The following LRBA variants were observed in gnomAD, a reference collection of about 807,000 sequenced individuals.
The protein encoded by LRBA is LPS responsive beige-like anchor protein.
A neutral mutation model predicts 330.0 loss-of-function variants in LRBA; 176 were observed. The ratio of observed to expected loss-of-function variants is 0.53; its 90% CI spans 0.47 to 0.60. The LOEUF (loss-of-function observed/expected upper bound fraction) is 0.60. LRBA is among the 20% of genes least tolerant of loss of function. The pLI is 0.00. For missense variants in LRBA, 3,259 were observed against 3,444.8 expected (o/e 0.95, Z 1.35); for synonymous variants, 1,230 against 1,193.0 (o/e 1.03, Z -0.64).
intron 40 of LRBA, among the ~76,000 whole-genome samples, chr4:150,506,163 T>C (rs1273789541): frequency 6.6e-6 from 1 of 152,210 alleles, no homozygotes; most frequent in Non-Finnish European, 1.5e-5. Flanking sequence ...GAGGAGCTGG[T>C]ATCATTCCTT....
intron 2 of LRBA, among the ~76,000 whole-genome samples, chr4:150,968,551 G>C (rs1418315371): frequency 2.6e-5 from 4 of 152,190 alleles, no homozygotes; most frequent in African/African-American, 9.7e-5. Flanking sequence ...TCCAGTGCAA[G>C]GCCCTAACTC....
chr4:150,856,115 A>G (rs1292006799), intron 22 of LRBA, among the ~76,000 whole-genome samples: 1 of 152,190 alleles, frequency 6.6e-6, no homozygotes, highest in Admixed American at 6.5e-5. Flanking sequence ...CCTCTACCCT[A>G]AGAAGTAGGT....
chr4:150,657,186 G>A (rs947851570), intron 37 of LRBA, among the ~76,000 whole-genome samples: 5 of 152,150 alleles, frequency 3.3e-5, no homozygotes, highest in Admixed American at 2.0e-4. Context: ...CTTCCCTTAC[G>A]AAGGAGACAT....
At chr4:150,485,574 T>C (rs1331115250) in intron 42 of LRBA, among the ~76,000 whole-genome samples, 1 of 151,730 alleles carries the variant, frequency 6.6e-6, no homozygotes, top group Non-Finnish European at 1.5e-5. Context: ...CACAGAGACA[T>C]ACACAGGGGG....
intron 49 of LRBA, among the ~76,000 whole-genome samples, chr4:150,323,548 C>T (rs942597741): frequency 4.6e-5 from 7 of 152,198 alleles, no homozygotes; most frequent in Non-Finnish European, 8.8e-5. Context: ...CTAAGCCACA[C>T]GGCAAGGACC....
chr4:150,475,731 TAAA>T (rs368974634), intron 42 of LRBA, among the ~76,000 whole-genome samples: 1 of 133,180 alleles, frequency 7.5e-6, no homozygotes, highest in Non-Finnish European at 1.6e-5. Flanking sequence ...CCTATCTCTA[TAAA>T]AAAAAAAAAA....
chr4:150,606,890 T>G (rs1366176372), intron 37 of LRBA, among the ~76,000 whole-genome samples: 2 of 152,230 alleles, frequency 1.3e-5, no homozygotes, highest in Non-Finnish European at 2.9e-5. Flanking sequence ...CGTAATTCAC[T>G]GACCAAGCAC....
Position 150,277,860 on chromosome 4 carries a change from C to A in LRBA, c.8461G>T (p.Asp2821Tyr). 1 of 1,613,944 alleles carries A rather than the reference C, an allele frequency of 6.2e-7. No homozygotes were observed. Among genetic ancestry groups the A allele is most frequent in the South Asian group, 1.1e-5 (1 of 91,036 alleles). ...AGIRAMALSY[D>Y]QRCIISGMAS... ...CCATGATTCCAGTGTTACCTCTGGT[C>A]GTAAGACAGCGCCATGGCCCGGATT... Residue 2821 changes from aspartate (D) to tyrosine (Y), a missense_variant, in exon 56 of 57, where the codon GAC becomes TAC. Transcript: ENST00000651943.
At chr4:150,798,416 C>T (rs1396222613) in intron 33 of LRBA, among the ~76,000 whole-genome samples, 3 of 152,110 alleles carry the variant, frequency 2.0e-5, no homozygotes, top group Non-Finnish European at 4.4e-5. Flanking sequence ...TAGAAATGTG[C>T]ACAACATATG....
At chr4:150,622,783 C>T (rs1426239402) in intron 37 of LRBA, among the ~76,000 whole-genome samples, 2 of 148,940 alleles carry the variant, frequency 1.3e-5, no homozygotes, top group Non-Finnish European at 3.0e-5. Flanking sequence ...CTGCAAGCTC[C>T]GCCTCCTGGG....
chr4:150,599,002 C>A lies in LRBA; in HGVS notation c.6046+5G>T. ...CTATTGGCAAGGAATGGTTTATACA[C>A]TGACCATGTTCCACGGCTGTTTTTA... On this transcript the variant is annotated splice_donor_5th_base_variant and intron_variant, in intron 38 of 56. Coordinates refer to ENST00000651943, the MANE Select transcript of LRBA (RefSeq NM_001364905.1). The A allele has an allele frequency of 1.9e-6, 3 of 1,613,994 alleles. No homozygotes were observed. Among genetic ancestry groups the A allele is most frequent in the Non-Finnish European group, 2.5e-6 (3 of 1,179,906 alleles).
At chr4:150,725,938 GTT>G (rs1729607460) in intron 36 of LRBA, among the ~76,000 whole-genome samples, 1 of 152,122 alleles carries the variant, frequency 6.6e-6, no homozygotes, top group Non-Finnish European at 1.5e-5. Flanking sequence ...TACATAACAG[GTT>G]ATAAGATTGT....
chr4:150,459,924 TGTA>T (rs879527400), intron 44 of LRBA, among the ~76,000 whole-genome samples: 4 of 151,952 alleles, frequency 2.6e-5, no homozygotes, highest in Admixed American at 2.0e-4. Flanking sequence ...TATTTACTGT[TGTA>T]GTATCATAAG....
intron 53 of LRBA, among the ~76,000 whole-genome samples, chr4:150,293,836 GACA>G (rs1728635184): frequency 6.6e-6 from 1 of 152,184 alleles, no homozygotes; most frequent in African/African-American, 2.4e-5. Flanking sequence ...TCGGTGTGAA[GACA>G]ACGAGGATGA....
At chr4:150,732,941 T>C (rs866314517) in intron 36 of LRBA, among the ~76,000 whole-genome samples, 3 of 152,074 alleles carry the variant, frequency 2.0e-5, no homozygotes, top group East Asian at 1.9e-4. Context: ...TTTTAATTTC[T>C]GGAGAGGCAA....
chr4:150,801,086 CTTGT>C (rs1453939298), intron 33 of LRBA, among the ~76,000 whole-genome samples: 1 of 152,032 alleles, frequency 6.6e-6, no homozygotes, highest in Non-Finnish European at 1.5e-5. Context: ...TAAGAGCCCT[CTTGT>C]TTTTTGTATT....
chr4:150,329,175 T>C (rs1396137456), intron 48 of LRBA, among the ~76,000 whole-genome samples: 3 of 152,202 alleles, frequency 2.0e-5, no homozygotes, highest in Non-Finnish European at 4.4e-5. Context: ...TCTTTCCAAG[T>C]CTTGAAGGCA....
At chr4:150,290,569 TA>T (rs1355756920) in intron 53 of LRBA, among the ~76,000 whole-genome samples, 1 of 152,116 alleles carries the variant, frequency 6.6e-6, no homozygotes, top group Non-Finnish European at 1.5e-5. Context: ...AAACTCTTCT[TA>T]AAGAAAAATA....
chr4:150,720,971 C>G (rs1728854774), intron 36 of LRBA: 2 of 483,052 alleles, frequency 4.1e-6, no homozygotes, highest in African/African-American at 2.0e-5. Context: ...TTAAGTCAAG[C>G]AAGGCAGTCA....
Sources: gnomAD v4.1 joint callset for allele counts (sites outside exome capture counted in the v4.1 genomes callset) on GRCh38, gnomAD v4.1.1 for gene constraint, MANE v1.5 for transcripts, NCBI Gene and HGNC (gene_info 2026-07-23, HGNC 2026-07-21) for gene names.